Variants in SNTG2 observed in about 807,000 individuals in gnomAD.
SNTG2 encodes syntrophin gamma 2, also known as gamma-2-syntrophin.
In SNTG2, 74 loss-of-function variants were observed where a neutral mutation model predicts 70.9. The ratio of observed to expected loss-of-function variants is 1.04; its 90% CI spans 0.86 to 1.27. SNTG2 has a LOEUF of 1.27. Among genes scored for constraint, SNTG2 ranks in the 50% most tolerant of loss-of-function variants. SNTG2 has a pLI of 0.00. For missense variants in SNTG2, 717 were observed against 690.7 expected, an observed-to-expected ratio of 1.04 and a Z score of -0.43; for synonymous variants, 278 against 273.8, an observed-to-expected ratio of 1.02 and a Z score of -0.15.
chr2:983,300 C>T (rs554593057), intron 1 of SNTG2, among the ~76,000 whole-genome samples: 12 of 99,556 alleles, frequency 1.2e-4, no homozygotes, highest in East Asian at 2.1e-4. Context: ...ATAGAAGCTG[C>T]GGAGGTGGTG....
At chr2:1,031,256 T>C (rs994583192) in intron 1 of SNTG2, among the ~76,000 whole-genome samples, 1 of 151,948 alleles carries the variant, frequency 6.6e-6, no homozygotes, top group African/African-American at 2.4e-5. Flanking sequence ...AGTTGTTGAG[T>C]TACACGGTTG....
At chr2:1,291,354 G>T (rs1458490716) in intron 14 of SNTG2, among the ~76,000 whole-genome samples, 2 of 152,150 alleles carry the variant, frequency 1.3e-5, no homozygotes, top group Admixed American at 1.3e-4. Flanking sequence ...TTTAATTTTG[G>T]TATTATTCTG....
At position 974,485 on chromosome 2, in the gene SNTG2, A is replaced by AT. The variant is rs1660848015; in HGVS notation, c.72+23418dup. On this transcript the variant is annotated intron_variant, in intron 1 of 16. Transcript: ENST00000308624. ...GGGGTGAGCGTTAGGGCATCAGTGC[A>AT]TAAGTGACCCCTGCATGCAGGAGCT... Among the ~76,000 whole-genome samples the AT allele has an allele frequency of 2.0e-5, 3 of 152,180 alleles. No individual in the cohort carries two copies. The South Asian group carries it at 6.2e-4, about 32-fold the overall frequency.
intron 4 of SNTG2, among the ~76,000 whole-genome samples, chr2:1,128,314 T>C (rs956628685): frequency 4.7e-4 from 72 of 152,348 alleles, no homozygotes; most frequent in African/African-American, 1.7e-3. Flanking sequence ...TTTGGGGCTG[T>C]ATAAAGACAA....
At chr2:1,007,497 T>C (rs1659606864) in intron 1 of SNTG2, among the ~76,000 whole-genome samples, 1 of 152,308 alleles carries the variant, frequency 6.6e-6, no homozygotes, top group Admixed American at 6.5e-5. Flanking sequence ...ATTAATTATA[T>C]GTGTTACACA....
At chr2:979,772 A>G (rs767510964) in intron 1 of SNTG2, among the ~76,000 whole-genome samples, 26 of 152,160 alleles carry the variant, frequency 1.7e-4, no homozygotes, top group Non-Finnish European at 3.1e-4. Context: ...GTGATTTTCC[A>G]TTTTAAGATC....
chr2:1,033,224 G>A (rs1660941443), intron 1 of SNTG2, among the ~76,000 whole-genome samples: 2 of 152,142 alleles, frequency 1.3e-5, no homozygotes, highest in Non-Finnish European at 2.9e-5. Flanking sequence ...GCAGCCTCAG[G>A]CAATTGTGAT....
At chr2:1,061,619 G>A (rs891385585) in intron 1 of SNTG2, among the ~76,000 whole-genome samples, 27 of 152,184 alleles carry the variant, frequency 1.8e-4, no homozygotes, top group African/African-American at 6.0e-4. Context: ...GGGATAGCAG[G>A]CTCAAGAAAT....
chr2:1,320,512 G>A (rs1162206434), intron 16 of SNTG2, among the ~76,000 whole-genome samples: 1 of 133,432 alleles, frequency 7.5e-6, no homozygotes, highest in Non-Finnish European at 1.5e-5. Context: ...TCCAGCCTGA[G>A]TGACAGAGCG....
chr2:1,294,309 C>G (rs1288109283), intron 14 of SNTG2, among the ~76,000 whole-genome samples: 1 of 152,214 alleles, frequency 6.6e-6, no homozygotes, highest in Non-Finnish European at 1.5e-5. Flanking sequence ...CAGACCCCAA[C>G]CCTCAGGTCC....
intron 6 of SNTG2, among the ~76,000 whole-genome samples, chr2:1,157,372 C>G (rs569038347): frequency 6.6e-6 from 1 of 152,134 alleles, no homozygotes; most frequent in Non-Finnish European, 1.5e-5. Context: ...CACCGCGGCT[C>G]GTGCGCTGGA....
At chr2:1,142,916 T>C (rs1000634435) in intron 6 of SNTG2, among the ~76,000 whole-genome samples, 5 of 152,228 alleles carry the variant, frequency 3.3e-5, no homozygotes, top group African/African-American at 1.2e-4. Context: ...ATGCATGGGA[T>C]AGCTTTTCTG....
At chr2:966,684 C>T (rs186651693) in intron 1 of SNTG2, among the ~76,000 whole-genome samples, 87 of 152,250 alleles carry the variant, frequency 5.7e-4, no homozygotes, top group Middle Eastern at 3.4e-3. Flanking sequence ...CGGTGGCTCA[C>T]GCCTATAATC....
chr2:1,303,777 G>A (rs12989099), intron 14 of SNTG2, among the ~76,000 whole-genome samples: 1 of 152,154 alleles, frequency 6.6e-6, no homozygotes, highest in Non-Finnish European at 1.5e-5. Context: ...TAAATGAAAT[G>A]GGATATCACT....
chr2:1,081,428 T>G (rs1664287813), intron 1 of SNTG2, among the ~76,000 whole-genome samples: 1 of 152,202 alleles, frequency 6.6e-6, no homozygotes. Flanking sequence ...CTTATAAGAG[T>G]TACACGTTAC....
intron 6 of SNTG2, chr2:1,158,583 G>C (rs1670057512): frequency 6.6e-6 from 1 of 152,254 alleles, no homozygotes; most frequent in African/African-American, 2.4e-5. Flanking sequence ...AGTGACCTAT[G>C]TGTAAGCACG....
At chr2:994,632 T>A (rs1420305579) in intron 1 of SNTG2, among the ~76,000 whole-genome samples, 1 of 152,054 alleles carries the variant, frequency 6.6e-6, no homozygotes, top group Non-Finnish European at 1.5e-5. Context: ...AATTATCCAT[T>A]TCATAATATT....
intron 8 of SNTG2, among the ~76,000 whole-genome samples, chr2:1,207,631 ACACT>A (rs1305602431): frequency 1.3e-5 from 2 of 152,220 alleles, no homozygotes; most frequent in African/African-American, 4.8e-5. Context: ...AATAAATCAC[ACACT>A]CTTTCTGTTA....
At chr2:1,152,467 G>A (rs1669564363) in intron 6 of SNTG2, among the ~76,000 whole-genome samples, 1 of 152,028 alleles carries the variant, frequency 6.6e-6, no homozygotes, top group African/African-American at 2.4e-5. Flanking sequence ...TGTGCAGTAT[G>A]TGCTTATGTC....
Sources: gnomAD v4.1 joint callset for allele counts (sites outside exome capture counted in the v4.1 genomes callset) on GRCh38, gnomAD v4.1.1 for gene constraint, MANE v1.5 for transcripts, NCBI Gene and HGNC (gene_info 2026-07-23, HGNC 2026-07-21) for gene names.